PTPRZ1: variants seen among roughly 807,000 people sequenced by gnomAD.
PTPRZ1 encodes protein tyrosine phosphatase receptor type Z1, also known as receptor-type tyrosine-protein phosphatase zeta.
A neutral mutation model predicts 214.1 loss-of-function variants in PTPRZ1; 82 were observed. The ratio of observed to expected loss-of-function variants is 0.38; its 90% CI spans 0.32 to 0.46. PTPRZ1 has a LOEUF of 0.46. Ranked by LOEUF, PTPRZ1 falls within the 20% of genes least tolerant of loss-of-function variation. The pLI, the probability that PTPRZ1 is intolerant of heterozygous loss-of-function variation, is 1.00. For synonymous variants in PTPRZ1, 945 were observed against 987.9 expected (o/e 0.96, Z 0.81); for missense variants, 2,603 against 2,748.7 (o/e 0.95, Z 1.19).
chr7:122,031,018 G>C (rs1799352207), intron 14 of PTPRZ1, among the ~76,000 whole-genome samples: 1 of 151,924 alleles, frequency 6.6e-6, no homozygotes, highest in Admixed American at 6.6e-5. Context: ...CTATTTGACT[G>C]TAAGACATTA....
chr7:122,017,395 C>T (rs1482109065), intron 12 of PTPRZ1, among the ~76,000 whole-genome samples: 2 of 151,968 alleles, frequency 1.3e-5, no homozygotes. Flanking sequence ...GCTGAGTTGG[C>T]TTAGAACATT....
At chr7:121,890,921 T>C (rs1243413418) in intron 1 of PTPRZ1, among the ~76,000 whole-genome samples, 2 of 151,926 alleles carry the variant, frequency 1.3e-5, no homozygotes, top group African/African-American at 2.4e-5. Flanking sequence ...CAAGTGAACC[T>C]CCTGCCTCAG....
rs1318135878 is a variant in PTPRZ1 at position 121,967,872 on chromosome 7, A to C, written c.125-79A>C. 33 of 978,502 alleles carry C rather than the reference A, an allele frequency of 3.4e-5. 1 individual carries two copies. The highest frequency in any genetic ancestry group is 5.1e-5 in the Non-Finnish European group (33 of 653,126). The allele number at this position is 978,502 out of a possible 1,614,324, so 60.6% of individuals were successfully genotyped here. A position where few individuals can be genotyped will look rare whatever the true frequency, so the allele number is the denominator to read the frequency against. On this transcript the variant is annotated intron_variant, in intron 2 of 29. Transcript: ENST00000393386. ...CTACTATTGCATCTATTTTTATGTA[A>C]TGTATTAACTATAATGTAAAGTTTA...
rs948180971 is a variant in PTPRZ1, at chr7:122,011,096, G to C, written c.2050G>C (p.Asp684His). 29 of 1,614,132 alleles carry C rather than the reference G, an allele frequency of 1.8e-5. No homozygotes were observed. The highest frequency in any genetic ancestry group is 2.5e-5 in the Non-Finnish European group (29 of 1,180,020). Residue 684 changes from aspartate (D) to histidine (H), a missense_variant, in exon 12 of 30, where the codon GAT (aspartate) becomes CAT (histidine). By Grantham distance (81) the Asp-to-His change is moderately conservative. This residue lies in a region of PTPRZ1 where 1,913 missense variants were observed against 1,914.3 expected (regional missense o/e 1.00). Transcript: ENST00000393386. ...LQTNYTEIRV[D>H]ESEKTTKSFS... Reference sequence around the variant, plus strand: ...GACTAATTACACTGAGATACGTGTTGATGAATCTGAGAAGACAACCAAGTC... The same window carrying C: ...GACTAATTACACTGAGATACGTGTTCATGAATCTGAGAAGACAACCAAGTC...
chr7:122,055,693 A>G (rs142117730), intron 27 of PTPRZ1, among the ~76,000 whole-genome samples: 5 of 152,022 alleles, frequency 3.3e-5, no homozygotes, highest in African/African-American at 7.2e-5. Context: ...ATTATATGCA[A>G]ATATCTATTA....
At chr7:122,050,336 G>A (rs905686775) in intron 23 of PTPRZ1, among the ~76,000 whole-genome samples, 9 of 141,996 alleles carry the variant, frequency 6.3e-5, no homozygotes, top group Non-Finnish European at 9.2e-5. Context: ...CCAGCCACTC[G>A]GGAGGCTGAG....
Position 122,011,954 on chromosome 7 carries a change from C to G in PTPRZ1, c.2908C>G (p.Pro970Ala). The change falls in exon 12 of 30, where the codon CCA (proline) becomes GCA (alanine). Residue 970 changes from proline to alanine, a missense_variant. Coordinates refer to ENST00000393386, the MANE Select transcript of PTPRZ1 (RefSeq NM_002851.3). ...GSLFSGPSHIPIPKSSLITPT... is the reference protein window; with the variant it reads ...GSLFSGPSHIAIPKSSLITPT... ...CTTATTTAGCGGCCCTAGCCATATA[C>G]CAATACCTAAGTCTTCGTTAATAAC... 1 of 1,614,186 alleles carries G rather than the reference C, an allele frequency of 6.2e-7. No individual in the cohort carries two copies. The highest frequency in any genetic ancestry group is 1.3e-5 in the African/African-American group (1 of 75,068).
chr7:121,973,502 G>C (rs1437652621), intron 4 of PTPRZ1, among the ~76,000 whole-genome samples: 1 of 152,016 alleles, frequency 6.6e-6, no homozygotes. Flanking sequence ...TTTGGTTATT[G>C]GTTACATGAC....
At chr7:121,898,588 T>A (rs1794872704) in intron 1 of PTPRZ1, among the ~76,000 whole-genome samples, 2 of 152,186 alleles carry the variant, frequency 1.3e-5, no homozygotes, top group South Asian at 4.1e-4. Flanking sequence ...ACTTCATGTA[T>A]GTTGTCTACA....
intron 6 of PTPRZ1, 96 bp downstream of exon 6, chr7:121,976,947 A>G: frequency 1.1e-6 from 1 of 949,764 alleles, no homozygotes; most frequent in Non-Finnish European, 1.6e-6. Context: ...CAAAAGGTGG[A>G]AAGTACTACA....
At chr7:121,903,734 A>G (rs1389454538) in intron 1 of PTPRZ1, among the ~76,000 whole-genome samples, 1 of 152,028 alleles carries the variant, frequency 6.6e-6, no homozygotes, top group African/African-American at 2.4e-5. Flanking sequence ...TTCACCTTTT[A>G]CTCATCCCTT....
At chr7:121,882,794 A>G (rs1794282979) in intron 1 of PTPRZ1, among the ~76,000 whole-genome samples, 1 of 152,184 alleles carries the variant, frequency 6.6e-6, no homozygotes, top group South Asian at 2.1e-4. Context: ...TTTATAGATC[A>G]TTTGGGATAT....
In PTPRZ1 at chr7:122,031,494, ATAAAGCACT is replaced by A. The variant is rs749070083; in HGVS notation, c.5103_5111del (p.Lys1702_Phe1704del). On this transcript the variant is annotated inframe_deletion, in exon 15 of 30. Coordinates refer to ENST00000393386, the MANE Select transcript of PTPRZ1 (RefSeq NM_002851.3). ...CGTAGATGATGTCGGAGCAATTCCAATAAAGCACTTTCCAAAGCATGTTGCAGATTTACA... is the reference window on the plus strand; with the variant it reads ...CGTAGATGATGTCGGAGCAATTCCAATTCCAAAGCATGTTGCAGATTTACA... 9.9e-6 allele frequency: 16 copies of A among 1,611,414 alleles called. No homozygotes were observed. The highest frequency in any genetic ancestry group is 4.0e-5 in the African/African-American group (3 of 74,854).
intron 24 of PTPRZ1, 91 bp from the exon 25 acceptor site, chr7:122,051,775 C>T (rs1486040125): frequency 4.2e-6 from 5 of 1,179,114 alleles, no homozygotes; most frequent in African/African-American, 1.5e-5. Context: ...TTACATCTGG[C>T]ATGGGGAAAA....
At chr7:122,000,448 T>C (rs1798282654) in intron 10 of PTPRZ1, among the ~76,000 whole-genome samples, 1 of 151,634 alleles carries the variant, frequency 6.6e-6, no homozygotes, top group Non-Finnish European at 1.5e-5. Flanking sequence ...GTTTGCTGCT[T>C]ATTTCATGGT....
intron 1 of PTPRZ1, among the ~76,000 whole-genome samples, chr7:121,888,261 C>G (rs1794463067): frequency 6.6e-6 from 1 of 151,698 alleles, no homozygotes; most frequent in Non-Finnish European, 1.5e-5. Context: ...AATTTCTCTT[C>G]TTTGGGCTGC....
chr7:121,934,388 G>C (rs1237065078), intron 2 of PTPRZ1, among the ~76,000 whole-genome samples: 1 of 145,296 alleles, frequency 6.9e-6, no homozygotes, highest in African/African-American at 2.6e-5. Flanking sequence ...TTAACCTACA[G>C]ACTGACTAGG....
At chr7:121,929,273 A>G (rs1289135782) in intron 2 of PTPRZ1, among the ~76,000 whole-genome samples, 1 of 152,086 alleles carries the variant, frequency 6.6e-6, no homozygotes, top group Non-Finnish European at 1.5e-5. Flanking sequence ...AGAGTTATGC[A>G]TGCAGTTTAC....
chr7:121,934,966 T>C (rs1469422535), intron 2 of PTPRZ1, among the ~76,000 whole-genome samples: 2 of 150,842 alleles, frequency 1.3e-5, no homozygotes. Context: ...TTAGGTGTTC[T>C]CACCACACAC....
Sources: allele counts gnomAD v4.1 joint callset (sites outside exome capture counted in the v4.1 genomes callset), GRCh38; gene constraint gnomAD v4.1.1; regional missense constraint gnomAD v4.1.1; transcripts MANE v1.5; gene names NCBI Gene and HGNC (gene_info 2026-07-23, HGNC 2026-07-21).